Variants in B3GALT1 observed in about 807,000 individuals in gnomAD.
The protein encoded by B3GALT1 is beta-1,3-galactosyltransferase 1, also known as UDP-Gal:betaGlcNAc beta 1,3-galactosyltransferase, polypeptide 1.
In B3GALT1, 10 loss-of-function variants were observed where a neutral mutation model predicts 23.2. That is an observed-to-expected ratio of 0.43 (90% CI 0.27 to 0.73). B3GALT1 has a LOEUF of 0.73. B3GALT1 is among the 30% of genes least tolerant of loss of function. The pLI is 0.21. For synonymous variants in B3GALT1, 156 were observed against 141.5 expected (o/e 1.10, Z -0.73); for missense variants, 299 against 405.4 (o/e 0.74, Z 2.25).
chr2:167,497,475 C>G (rs184529351), intron 2 of B3GALT1, among the ~76,000 whole-genome samples: 1 of 152,074 alleles, frequency 6.6e-6, no homozygotes, highest in Non-Finnish European at 1.5e-5. Flanking sequence ...TCAATTGTAC[C>G]GATCACCAAC....
intron 1 of B3GALT1, among the ~76,000 whole-genome samples, chr2:167,453,548 T>C (rs999377044): frequency 2.6e-5 from 4 of 151,588 alleles, no homozygotes; most frequent in Admixed American, 1.3e-4. Context: ...GAAGATATTT[T>C]GGTTTTGGAT....
At chr2:167,666,199 C>T (rs1375851267) in intron 3 of B3GALT1, among the ~76,000 whole-genome samples, 1 of 152,192 alleles carries the variant, frequency 6.6e-6, no homozygotes, top group South Asian at 2.1e-4. Context: ...GCCTTCATTT[C>T]ATTATGTACC....
intron 3 of B3GALT1, among the ~76,000 whole-genome samples, chr2:167,701,190 G>C (rs1686876704): frequency 6.6e-6 from 1 of 152,166 alleles, no homozygotes; most frequent in African/African-American, 2.4e-5. Flanking sequence ...ACTAAGAGTA[G>C]ACAGAAATGC....
intron 1 of B3GALT1, among the ~76,000 whole-genome samples, chr2:167,325,179 T>C (rs1460295152): frequency 2.0e-5 from 3 of 152,192 alleles, no homozygotes; most frequent in Non-Finnish European, 4.4e-5. Context: ...GGAATACATA[T>C]ATCTCTTTGA....
chr2:167,361,244 C>A lies in B3GALT1; in HGVS notation c.-511+67910C>A, dbSNP rs936099505. Among the ~76,000 whole-genome samples the A allele has an allele frequency of 3.1e-4, 42 of 134,698 alleles. 2 individuals carry two copies. The highest frequency in any genetic ancestry group is 1.1e-3 in the African/African-American group (40 of 35,706). 88.4% of individuals were successfully genotyped at this position (134,698 alleles called of 152,430 possible). A position where few individuals can be genotyped will look rare whatever the true frequency, so the allele number is the denominator to read the frequency against. ...TTTTTTTTTTTTTTTGCAGTGGGAT[C>A]CAGCAAACGTCTTTTAAGAAGTCCT... On this transcript the variant is annotated intron_variant, in intron 1 of 4. Transcript: ENST00000392690.
At chr2:167,430,733 T>C (rs1037123487) in intron 1 of B3GALT1, among the ~76,000 whole-genome samples, 1 of 152,156 alleles carries the variant, frequency 6.6e-6, no homozygotes, top group Non-Finnish European at 1.5e-5. Context: ...TATGGGAAGA[T>C]TGTAGGAGCC....
At chr2:167,545,015 T>G (rs2105376147) in intron 2 of B3GALT1, among the ~76,000 whole-genome samples, 1 of 140,758 alleles carries the variant, frequency 7.1e-6, no homozygotes, top group South Asian at 2.4e-4. Context: ...CGCTTTTGGC[T>G]TGGGTGTCTT....
At chr2:167,480,154 G>C (rs952555725) in intron 1 of B3GALT1, among the ~76,000 whole-genome samples, 2 of 152,146 alleles carry the variant, frequency 1.3e-5, no homozygotes, top group Admixed American at 1.3e-4. Context: ...CTCTTGAGCA[G>C]TAAGGGATTA....
Position 167,453,890 on chromosome 2 carries a change from G to A in B3GALT1, c.-510-36287G>A, listed in dbSNP as rs1391603821. ...GAATGATAAGACTGATTGATATATC[G>A]GCTAAAGTAACAGCTGTAATTTACC... On this transcript the variant is annotated intron_variant, in intron 1 of 4. Coordinates refer to ENST00000392690, the MANE Select transcript of B3GALT1 (RefSeq NM_020981.4). 4.6e-5 allele frequency among the ~76,000 whole-genome samples: 7 copies of A among 152,166 alleles called. No individual in the cohort carries two copies. The East Asian group carries it at 1.2e-3, about 25-fold the overall frequency.
At chr2:167,597,099 T>G (rs1195366950) in intron 2 of B3GALT1, among the ~76,000 whole-genome samples, 1 of 148,626 alleles carries the variant, frequency 6.7e-6, no homozygotes, top group Non-Finnish European at 1.5e-5. Flanking sequence ...TGTTTTTTGG[T>G]TTTTGTTTTT....
intron 1 of B3GALT1, among the ~76,000 whole-genome samples, chr2:167,403,030 ATTTATT>A (rs1458458202): frequency 6.7e-6 from 1 of 149,310 alleles, no homozygotes; most frequent in African/African-American, 2.5e-5. Flanking sequence ...ATGTTTGTTT[ATTTATT>A]TTTATTATAC....
chr2:167,451,875 A>G (rs1046458791), intron 1 of B3GALT1, among the ~76,000 whole-genome samples: 2 of 152,200 alleles, frequency 1.3e-5, no homozygotes, highest in South Asian at 2.1e-4. Flanking sequence ...GCTGTGGAGG[A>G]TGGCGGTGTG....
At chr2:167,742,340 C>G (rs1687589165) in intron 3 of B3GALT1, among the ~76,000 whole-genome samples, 2 of 151,896 alleles carry the variant, frequency 1.3e-5, no homozygotes, top group South Asian at 4.2e-4. Flanking sequence ...AGTGGGAGTT[C>G]TGAAGCTGGT....
intron 3 of B3GALT1, among the ~76,000 whole-genome samples, chr2:167,767,759 T>C (rs1467559423): frequency 8.5e-5 from 13 of 152,176 alleles, no homozygotes; most frequent in Admixed American, 2.6e-4. Context: ...GAAAAATTGT[T>C]ATAACACTTT....
At chr2:167,835,595 C>A (rs993476383) in intron 4 of B3GALT1, among the ~76,000 whole-genome samples, 3 of 152,370 alleles carry the variant, frequency 2.0e-5, no homozygotes, top group African/African-American at 7.2e-5. Flanking sequence ...GGCTCCACCT[C>A]TGGGGGCAGG....
chr2:167,429,005 C>T (rs1698665420), intron 1 of B3GALT1, among the ~76,000 whole-genome samples: 1 of 151,858 alleles, frequency 6.6e-6, no homozygotes, highest in Non-Finnish European at 1.5e-5. Flanking sequence ...TTTGGCTGGG[C>T]ACGGTGGCTC....
intron 3 of B3GALT1, among the ~76,000 whole-genome samples, chr2:167,774,497 G>GTT (rs397986581): frequency 4.6e-4 from 38 of 82,990 alleles, no homozygotes; most frequent in East Asian, 2.2e-3. Flanking sequence ...TTTTTTTTTT[G>GTT]TTTTTTTTTT....
chr2:167,558,110 T>C (rs1481610821), intron 2 of B3GALT1: 1 of 152,228 alleles, frequency 6.6e-6, no homozygotes, highest in East Asian at 1.9e-4. Context: ...TCTAATTTTT[T>C]ACATTGTTTT....
At chr2:167,655,791 C>T (rs1685945878) in intron 3 of B3GALT1, among the ~76,000 whole-genome samples, 1 of 152,044 alleles carries the variant, frequency 6.6e-6, no homozygotes, top group Non-Finnish European at 1.5e-5. Context: ...GTTATTAGTA[C>T]TGTTTTATAT....
Sources: gnomAD v4.1 joint callset for allele counts (sites outside exome capture counted in the v4.1 genomes callset) on GRCh38, gnomAD v4.1.1 for gene constraint, MANE v1.5 for transcripts, NCBI Gene and HGNC (gene_info 2026-07-23, HGNC 2026-07-21) for gene names.